The following FAM186A variants were observed in gnomAD, a reference collection of about 807,000 sequenced individuals.
FAM186A encodes the protein protein FAM186A.
Under a neutral mutation model 216.8 loss-of-function variants are expected in FAM186A, and 163 were observed. The ratio of observed to expected loss-of-function variants is 0.75; its 90% CI spans 0.66 to 0.86. The LOEUF (loss-of-function observed/expected upper bound fraction) is 0.86. FAM186A is among the 40% of genes least tolerant of loss of function. The pLI is 0.00. For missense variants in FAM186A, 2,184 were observed against 2,746.2 expected (o/e 0.80, Z 4.58); for synonymous variants, 805 against 1,025.3 (o/e 0.79, Z 4.10).
In FAM186A at chr12:50,354,502, G is replaced by T. The variant is rs1412114444; in HGVS notation, c.2330C>A (p.Thr777Asn). ...SPISAKSESS[T>N]LLSYESTDPV... ...ATCTGTGCTCTCATATGAGAGGAGG[G>T]TACTGCTTTCAGATTTTGCACTAAT... The change falls in exon 4 of 8, where the codon ACC becomes AAC. Residue 777 changes from threonine (T) to asparagine (N), a missense_variant. Coordinates refer to ENST00000327337, the MANE Select transcript of FAM186A (RefSeq NM_001145475.3). The T allele has an allele frequency of 1.9e-6, 3 of 1,551,460 alleles. No individual in the cohort carries two copies. Among genetic ancestry groups the T allele is most frequent in the Admixed American group, 2.0e-5 (1 of 50,970 alleles).
At position 50,355,530 on chromosome 12, in the gene FAM186A, G is replaced by T. The variant is rs781608579; in HGVS notation, c.1302C>A (p.Ser434Arg). 1.2e-4 allele frequency: 191 copies of T among 1,551,336 alleles called. No homozygotes were observed. The highest frequency in any genetic ancestry group is 1.6e-4 in the Non-Finnish European group (179 of 1,146,968). The change falls in exon 4 of 8, where the codon AGC (serine) becomes AGA (arginine). Residue 434 changes from serine (S) to arginine (R), a missense_variant. Around this residue, in one of 7 missense-constraint regions of FAM186A, gnomAD observed 1,132 missense variants for 1,263.4 expected, o/e 0.90. Coordinates refer to ENST00000327337, the MANE Select transcript of FAM186A (RefSeq NM_001145475.3). ...TCTTCAATGATACGTTATCTTTAGT[G>T]CTGTCTTCGGAAATATCTTCAGAAG... ...PVASEDISEDSTKDNVSLKKG... is the reference protein window; with the variant it reads ...PVASEDISEDRTKDNVSLKKG...
chr12:50,366,198 T>C (rs1943086057), intron 1 of FAM186A: 1 of 569,726 alleles, frequency 1.8e-6, no homozygotes, highest in South Asian at 2.3e-5. Flanking sequence ...TGATGTTAGG[T>C]GTATTTGCTG....
rs1420777972 is a variant in FAM186A at position 50,396,274 on chromosome 12, C to G, written c.192+19G>C. ...TAAAAAGAAAATTGCAGTCTGTAAA[C>G]TTCAGATTCACTACCTACCTCTCTG... On this transcript the variant is annotated intron_variant, in intron 1 of 7. Coordinates refer to ENST00000327337, the MANE Select transcript of FAM186A (RefSeq NM_001145475.3). 2 of 1,489,196 alleles carry G rather than the reference C, an allele frequency of 1.3e-6. No homozygotes were observed. Among genetic ancestry groups the G allele is most frequent in the East Asian group, 5.0e-5 (2 of 39,708 alleles). The allele number at this position is 1,489,196 out of a possible 1,614,324, so 92.2% of individuals were successfully genotyped here. A position where few individuals can be genotyped will look rare whatever the true frequency, so the allele number is the denominator to read the frequency against.
chr12:50,379,469 AAAACAAAAACAAAAAC>A (rs1943233293), intron 1 of FAM186A, among the ~76,000 whole-genome samples: 2 of 7,950 alleles, frequency 2.5e-4, no homozygotes, highest in Non-Finnish European at 9.1e-3. Context: ...AAAAGAGGGA[AAAACAAAAACAAAAAC>A]AAAAAAAAAC....
intron 1 of FAM186A, among the ~76,000 whole-genome samples, chr12:50,373,498 G>A (rs543919685): frequency 1.3e-5 from 2 of 152,296 alleles, no homozygotes; most frequent in South Asian, 2.1e-4. Context: ...TGATGTCAGC[G>A]TTACCCTGAT....
intron 1 of FAM186A, among the ~76,000 whole-genome samples, chr12:50,368,604 G>C (rs1475997922): frequency 6.6e-6 from 1 of 152,016 alleles, no homozygotes; most frequent in Admixed American, 6.6e-5. Context: ...CCAATCTACA[G>C]ATTAATGCAA....
Position 50,351,185 on chromosome 12 carries a change from C to T in FAM186A, c.5647G>A (p.Glu1883Lys). ...GGAGGCTGGAATTCCTGGAGCTGCT[C>T]AGAGAAGGTTAAGGGTCCAGATTCC... ...LLESGPLTFS[E>K]QLQEFQPPAT... Residue 1883 changes from glutamate to lysine, a missense_variant, in exon 4 of 8, where the codon GAG (glutamate) becomes AAG (lysine). By Grantham distance (56) the Glu-to-Lys change is moderately conservative. Coordinates refer to ENST00000327337, the MANE Select transcript of FAM186A (RefSeq NM_001145475.3). 4 of 1,551,466 alleles carry T rather than the reference C, an allele frequency of 2.6e-6. No homozygotes were observed. In the South Asian group the frequency reaches 4.8e-5, roughly 18 times the overall value.
Position 50,350,347 on chromosome 12 carries a change from C to G in FAM186A, c.6485G>C (p.Arg2162Thr). Residue 2162 changes from arginine to threonine, a missense_variant, in exon 4 of 8, where the codon AGG becomes ACG. This residue lies in a region of FAM186A where 721 missense variants were observed against 816.4 expected (regional missense o/e 0.88). Transcript: ENST00000327337. ...TATCTACCTGGCATGCTGGATCAGC[C>G]TATAGGCAATGTACTTGCGGAATAA... ...GYLFRKYIAY[R>T]LIQHARNNIM... is the part of the protein sequence containing the mutation. The G allele has an allele frequency of 1.3e-6, 2 of 1,549,148 alleles. No homozygotes were observed. Among genetic ancestry groups the G allele is most frequent in the Non-Finnish European group, 1.7e-6 (2 of 1,145,548 alleles).
At chr12:50,371,151 C>T (rs964045166) in intron 1 of FAM186A, among the ~76,000 whole-genome samples, 1 of 151,848 alleles carries the variant, frequency 6.6e-6, no homozygotes, top group Non-Finnish European at 1.5e-5. Context: ...CAGAATCTTA[C>T]TCTGTCACCT....
In FAM186A at chr12:50,352,937, G is replaced by A. The variant is rs1592609928; in HGVS notation, c.3895C>T (p.Leu1299=). The part of the protein sequence containing the change: ...IPLNPQQAQT[L]GIPLTPKQAQ... Reference sequence around the variant, plus strand: ...TGCTTAGGGGTGAGAGGGATCCCCAGGGTCTGGGCCTGCTGAGGGTTGAGA... The same window carrying A: ...TGCTTAGGGGTGAGAGGGATCCCCAAGGTCTGGGCCTGCTGAGGGTTGAGA... The change falls in exon 4 of 8, where the codon CTG becomes TTG. Residue 1299 remains leucine (L), a synonymous_variant. Transcript: ENST00000327337. 6.6e-7 allele frequency: 1 copy of A among 1,523,236 alleles called. No homozygotes were observed. The highest frequency in any genetic ancestry group is 8.8e-7 in the Non-Finnish European group (1 of 1,133,228). The allele number at this position is 1,523,236 out of a possible 1,614,324, so 94.4% of individuals were successfully genotyped here.
At chr12:50,365,033 C>T (rs1445398593) in intron 1 of FAM186A, among the ~76,000 whole-genome samples, 28 of 52,918 alleles carry the variant, frequency 5.3e-4, no homozygotes, top group Non-Finnish European at 7.1e-4. Flanking sequence ...AGTGAAACTC[C>T]GTCTCAAAAA....
intron 3 of FAM186A, among the ~76,000 whole-genome samples, chr12:50,359,844 T>C (rs1379294582): frequency 6.6e-6 from 1 of 152,090 alleles, no homozygotes; most frequent in Non-Finnish European, 1.5e-5. Flanking sequence ...ACAAATGTAG[T>C]GTGAGAGAGA....
intron 3 of FAM186A, among the ~76,000 whole-genome samples, chr12:50,359,563 CCTAG>C (rs1195500327): frequency 1.3e-5 from 2 of 152,002 alleles, no homozygotes; most frequent in African/African-American, 2.4e-5. Flanking sequence ...CAATTCGACT[CCTAG>C]CTATCTACCC....
intron 4 of FAM186A, among the ~76,000 whole-genome samples, chr12:50,338,454 G>A (rs2138762463): frequency 6.6e-6 from 1 of 152,260 alleles, no homozygotes; most frequent in South Asian, 2.1e-4. Context: ...ACCCGCCTCA[G>A]CCTCCCAAAG....
intron 4 of FAM186A, among the ~76,000 whole-genome samples, chr12:50,342,920 C>T (rs1366725829): frequency 6.8e-6 from 1 of 146,298 alleles, no homozygotes; most frequent in South Asian, 2.2e-4. Context: ...TACAGGTGCA[C>T]ACCACCAAGA....
Position 50,391,675 on chromosome 12 carries a change from A to T in FAM186A, c.192+4618T>A, listed in dbSNP as rs12301781. 3.3e-3 allele frequency among the ~76,000 whole-genome samples: 496 copies of T among 152,114 alleles called. 5 individuals carry two copies. The highest frequency in any genetic ancestry group is 1.0e-2 in the African/African-American group (413 of 41,472). On this transcript the variant is annotated intron_variant, in intron 1 of 7. Coordinates refer to ENST00000327337, the MANE Select transcript of FAM186A (RefSeq NM_001145475.3). ...ACCTAGGCTGGAGTGCAGTGGCTCG[A>T]TCTTGGCTCACTGCAGCCTCTGCCT...
intron 4 of FAM186A, among the ~76,000 whole-genome samples, chr12:50,349,784 T>G (rs1431334979): frequency 6.6e-6 from 1 of 152,094 alleles, no homozygotes; most frequent in African/African-American, 2.4e-5. Context: ...CAAGTAATCC[T>G]GGGATTACAG....
chr12:50,369,584 C>T (rs955860106), intron 1 of FAM186A, among the ~76,000 whole-genome samples: 1 of 151,562 alleles, frequency 6.6e-6, no homozygotes, highest in African/African-American at 2.4e-5. Context: ...ATTGAAAAGT[C>T]AACCTAGGAA....
rs1942871995 is a variant in FAM186A, at chr12:50,350,996, T to A, written c.5836A>T (p.Ser1946Cys). The A allele has an allele frequency of 6.4e-7, 1 of 1,551,504 alleles. No individual in the cohort carries two copies. Among genetic ancestry groups the A allele is most frequent in the South Asian group, 1.2e-5 (1 of 84,014 alleles). ...PSPAPGKPQK[S>C]WSPSVAKKRL... is the part of the protein sequence containing the mutation. ...TTCTTAGCAACAGAAGGGGACCAACTTTTCTGGGGCTTTCCAGGGGCTGGG... is the reference window on the plus strand; with the variant it reads ...TTCTTAGCAACAGAAGGGGACCAACATTTCTGGGGCTTTCCAGGGGCTGGG... Residue 1946 changes from serine (S) to cysteine (C), a missense_variant, in exon 4 of 8, where the codon AGT becomes TGT. Ser to Cys is a moderately radical substitution (Grantham distance 112). Transcript: ENST00000327337.
Sources: allele counts gnomAD v4.1 joint callset (sites outside exome capture counted in the v4.1 genomes callset), GRCh38; gene constraint gnomAD v4.1.1; regional missense constraint gnomAD v4.1.1; transcripts MANE v1.5; gene names NCBI Gene and HGNC (gene_info 2026-07-23, HGNC 2026-07-21).